The following SMIM35 variants were observed in gnomAD, a reference collection of about 807,000 sequenced individuals.
SMIM35 encodes TMPRSS4 antisense RNA 1 (non-protein coding).
At chr11:118,038,569 G>A (rs1453692993) in intron 1 of SMIM35, among the ~76,000 whole-genome samples, 1 of 152,092 alleles carries the variant, frequency 6.6e-6, no homozygotes, top group African/African-American at 2.4e-5. Flanking sequence ...AGTAGTATTA[G>A]CTTGTTTATT....
intron 1 of SMIM35, chr11:118,028,879 GAGA>G (rs1265625193): frequency 6.8e-6 from 3 of 443,256 alleles, no homozygotes; most frequent in Non-Finnish European, 1.4e-5. Context: ...AAAGTTGGGG[GAGA>G]AGAAGGAGGA....
chr11:118,048,879 G>C (rs1944155864), intron 1 of SMIM35, among the ~76,000 whole-genome samples: 1 of 133,994 alleles, frequency 7.5e-6, no homozygotes, highest in Non-Finnish European at 1.5e-5. Context: ...ATGGGGAAGG[G>C]GAAAACCTGC....
intron 1 of SMIM35, chr11:118,025,520 A>G: frequency 2.2e-6 from 1 of 454,880 alleles, no homozygotes; most frequent in South Asian, 1.6e-5. Context: ...TGTGGTTTTG[A>G]TTTGCATTTT....
At chr11:118,035,533 G>T (rs1031483331) in intron 1 of SMIM35, among the ~76,000 whole-genome samples, 1 of 152,164 alleles carries the variant, frequency 6.6e-6, no homozygotes, top group African/African-American at 2.4e-5. Flanking sequence ...AAAAGTACAG[G>T]GGGTCCAGGT....
At chr11:118,053,352 A>ACC (rs1944252678) in intron 1 of SMIM35, among the ~76,000 whole-genome samples, 1 of 138,386 alleles carries the variant, frequency 7.2e-6, no homozygotes, top group African/African-American at 2.7e-5. Context: ...ACACACACAC[A>ACC]CAAAGCTTAC....
At chr11:118,056,038 G>C (rs1339428736) in intron 1 of SMIM35, among the ~76,000 whole-genome samples, 1 of 152,034 alleles carries the variant, frequency 6.6e-6, no homozygotes, top group Non-Finnish European at 1.5e-5. Flanking sequence ...GAGGCTCTAG[G>C]CTGAAGGTGG....
intron 1 of SMIM35, among the ~76,000 whole-genome samples, chr11:118,049,527 T>C (rs1283272015): frequency 6.6e-6 from 1 of 151,772 alleles, no homozygotes; most frequent in Non-Finnish European, 1.5e-5. Context: ...TTTTGTATTT[T>C]TAGTAGAGAC....
chr11:118,064,535 C>T (rs956386467), intron 1 of SMIM35, among the ~76,000 whole-genome samples: 1 of 152,240 alleles, frequency 6.6e-6, no homozygotes, highest in African/African-American at 2.4e-5. Context: ...CCTCTTCCCT[C>T]AGCCTCCTGA....
At chr11:118,009,474 G>A (rs999138186) in intron 4 of SMIM35, among the ~76,000 whole-genome samples, 4 of 152,252 alleles carry the variant, frequency 2.6e-5, no homozygotes, top group African/African-American at 7.2e-5. Flanking sequence ...AAATGTTAGC[G>A]TTTCACCCTA....
At chr11:118,079,082 T>G (rs1003332783) in intron 1 of SMIM35, among the ~76,000 whole-genome samples, 2 of 151,904 alleles carry the variant, frequency 1.3e-5, no homozygotes, top group Non-Finnish European at 2.9e-5. Context: ...GGAACACTGG[T>G]GGAGGGGTCA....
At chr11:118,020,339 C>T (rs1161890107) in intron 1 of SMIM35, among the ~76,000 whole-genome samples, 2 of 152,152 alleles carry the variant, frequency 1.3e-5, no homozygotes, top group Non-Finnish European at 1.5e-5. Flanking sequence ...ACTCTATCCT[C>T]CCTCATAAGC....
chr11:118,086,347 G>C (rs1260401421), intron 1 of SMIM35, among the ~76,000 whole-genome samples: 1 of 152,248 alleles, frequency 6.6e-6, no homozygotes, highest in Non-Finnish European at 1.5e-5. Context: ...GCTGAGATGG[G>C]GGATGAGGTG....
At position 118,003,675 on chromosome 11, in the gene SMIM35, C is replaced by T. The variant is rs987058514; in HGVS notation, c.*2735G>A. 2.0e-5 allele frequency: 3 copies of T among 152,032 alleles called. No homozygotes were observed. The highest frequency in any genetic ancestry group is 4.4e-5 in the Non-Finnish European group (3 of 68,012). The allele number at this position is 152,032 out of a possible 1,614,324, so 9.4% of individuals were successfully genotyped here. A position where few individuals can be genotyped will look rare whatever the true frequency, so the allele number is the denominator to read the frequency against. ...TATTGTAGTCAGCATTTCATTTTGT[C>T]AAAAAACATTACGAAGCACTTGTTA... On this transcript the variant is annotated 3_prime_UTR_variant, in exon 5 of 5. Transcript: ENST00000689828.
chr11:118,040,956 T>A (rs949891822), intron 1 of SMIM35, among the ~76,000 whole-genome samples: 5 of 151,296 alleles, frequency 3.3e-5, no homozygotes, highest in African/African-American at 7.3e-5. Context: ...TTGCATAATA[T>A]AATAATATAT....
chr11:118,071,682 C>T (rs1944573727), intron 1 of SMIM35, among the ~76,000 whole-genome samples: 1 of 152,206 alleles, frequency 6.6e-6, no homozygotes, highest in Non-Finnish European at 1.5e-5. Context: ...ATAGGCTCTG[C>T]TGGCTGGAAG....
chr11:118,020,539 G>T (rs564077408), intron 1 of SMIM35, among the ~76,000 whole-genome samples: 5 of 152,106 alleles, frequency 3.3e-5, no homozygotes, highest in Non-Finnish European at 7.4e-5. Context: ...CATTTATTTT[G>T]GGTCATCTTT....
intron 1 of SMIM35, among the ~76,000 whole-genome samples, chr11:118,069,434 T>C (rs1944536662): frequency 6.6e-6 from 1 of 152,198 alleles, no homozygotes; most frequent in Non-Finnish European, 1.5e-5. Context: ...ATTATCTTCC[T>C]CTGTGGCAGG....
intron 1 of SMIM35, among the ~76,000 whole-genome samples, chr11:118,044,728 T>C (rs1470243657): frequency 7.1e-6 from 1 of 140,858 alleles, no homozygotes; most frequent in Non-Finnish European, 1.5e-5. Flanking sequence ...GAGCCGAGAC[T>C]GCACCACTGT....
intron 1 of SMIM35, among the ~76,000 whole-genome samples, chr11:118,017,407 C>T (rs376441964): frequency 6.6e-6 from 1 of 152,162 alleles, no homozygotes; most frequent in Admixed American, 6.5e-5. Flanking sequence ...GCTGTCATGG[C>T]ATGAGAGTAA....
Sources: allele counts gnomAD v4.1 joint callset (sites outside exome capture counted in the v4.1 genomes callset), GRCh38; gene constraint gnomAD v4.1.1; transcripts MANE v1.5; gene names NCBI Gene and HGNC (gene_info 2026-07-23, HGNC 2026-07-21).